The following CDKN2B-AS1 variants were observed in gnomAD, a reference collection of about 807,000 sequenced individuals.
CDKN2B-AS1 encodes the protein CDKN2B antisense RNA 1 (non-protein coding).
At chr9:22,020,673 G>A (rs910675053) in intron 1 of CDKN2B-AS1, among the ~76,000 whole-genome samples, 1 of 152,158 alleles carries the variant, frequency 6.6e-6, no homozygotes, top group African/African-American at 2.4e-5. Flanking sequence ...CCACATGTAT[G>A]TCTTCTTTTG....
intron 4 of CDKN2B-AS1, among the ~76,000 whole-genome samples, chr9:22,104,410 C>G (rs983953771): frequency 6.6e-6 from 1 of 152,076 alleles, no homozygotes; most frequent in Non-Finnish European, 1.5e-5. Flanking sequence ...TTTCACTTGC[C>G]CAAGTGAGGA....
At chr9:22,042,762 T>C (rs1822949281) in intron 1 of CDKN2B-AS1, among the ~76,000 whole-genome samples, 1 of 152,132 alleles carries the variant, frequency 6.6e-6, no homozygotes, top group African/African-American at 2.4e-5. Context: ...AAAACAGATA[T>C]CACTGAGTTT....
At chr9:22,066,266 T>A (rs565938381) in intron 4 of CDKN2B-AS1, 1 of 151,698 alleles carries the variant, frequency 6.6e-6, no homozygotes, top group Non-Finnish European at 1.5e-5. Context: ...CAGGCTGGAG[T>A]GTATTGGCAT....
intron 1 of CDKN2B-AS1, among the ~76,000 whole-genome samples, chr9:22,023,977 C>A (rs1822120949): frequency 6.6e-6 from 1 of 152,142 alleles, no homozygotes; most frequent in South Asian, 2.1e-4. Flanking sequence ...TGAACGCTTG[C>A]CAGAGAGGTG....
At chr9:22,041,282 T>G (rs1822885711) in intron 1 of CDKN2B-AS1, among the ~76,000 whole-genome samples, 1 of 152,006 alleles carries the variant, frequency 6.6e-6, no homozygotes. Flanking sequence ...CCTGAACCTC[T>G]TCAGTAGGTG....
chr9:22,098,173 G>GTGTGTGTT, intron 4 of CDKN2B-AS1, among the ~76,000 whole-genome samples: 1 of 151,800 alleles, frequency 6.6e-6, no homozygotes, highest in East Asian at 1.9e-4. Context: ...GTGTGTGTGT[G>GTGTGTGTT]TGTGTGTGTG....
intron 3 of CDKN2B-AS1, among the ~76,000 whole-genome samples, chr9:22,055,515 G>A (rs1025332261): frequency 2.0e-5 from 3 of 152,292 alleles, no homozygotes; most frequent in East Asian, 1.9e-4. Flanking sequence ...GGCAGGATAA[G>A]TAGTTTTGCC....
chr9:22,112,034 A>T (rs1372123670), intron 4 of CDKN2B-AS1: 1 of 152,220 alleles, frequency 6.6e-6, no homozygotes, highest in African/African-American at 2.4e-5. Flanking sequence ...TTCCCACCAC[A>T]GTAAGTATTT....
At chr9:22,102,230 T>G (rs891358581) in intron 4 of CDKN2B-AS1, among the ~76,000 whole-genome samples, 1 of 152,196 alleles carries the variant, frequency 6.6e-6, no homozygotes, top group African/African-American at 2.4e-5. Flanking sequence ...ACTTTCTGTT[T>G]TTTTCCCCGG....
chr9:22,123,203 C>G (rs568239040), intron 4 of CDKN2B-AS1, among the ~76,000 whole-genome samples: 17 of 152,162 alleles, frequency 1.1e-4, no homozygotes, highest in Non-Finnish European at 2.5e-4. Flanking sequence ...ATATTGATAT[C>G]GTATTCTGCA....
chr9:22,020,140 T>C (rs988276065), intron 1 of CDKN2B-AS1, among the ~76,000 whole-genome samples: 2 of 152,244 alleles, frequency 1.3e-5, no homozygotes, highest in Admixed American at 1.3e-4. Context: ...TTTCTGTTCC[T>C]GCATTAGTTT....
intron 1 of CDKN2B-AS1, among the ~76,000 whole-genome samples, chr9:22,034,229 A>G (rs191916221): frequency 6.6e-6 from 1 of 152,328 alleles, no homozygotes; most frequent in Non-Finnish European, 1.5e-5. Context: ...ATTCTGGTCT[A>G]TAAATTCACC....
chr9:22,037,601 T>G (rs1240002377), intron 1 of CDKN2B-AS1, among the ~76,000 whole-genome samples: 1 of 152,124 alleles, frequency 6.6e-6, no homozygotes, highest in African/African-American at 2.4e-5. Flanking sequence ...TAGATTAATT[T>G]TAACTTTCCT....
At chr9:22,116,961 G>A (rs1000150201) in intron 4 of CDKN2B-AS1, among the ~76,000 whole-genome samples, 2 of 152,200 alleles carry the variant, frequency 1.3e-5, no homozygotes, top group African/African-American at 4.8e-5. Context: ...AAGTAAACTT[G>A]ACCTCACATA....
intron 4 of CDKN2B-AS1, among the ~76,000 whole-genome samples, chr9:22,114,574 A>T: frequency 6.6e-6 from 1 of 152,366 alleles, no homozygotes; most frequent in African/African-American, 2.4e-5. Flanking sequence ...AAAGCTGATT[A>T]GGAGTATTTA....
chr9:22,020,193 A>T (rs1821957756), intron 1 of CDKN2B-AS1, among the ~76,000 whole-genome samples: 1 of 152,192 alleles, frequency 6.6e-6, no homozygotes, highest in Non-Finnish European at 1.5e-5. Context: ...TCCCTGCAAA[A>T]GGACATGCTA....
chr9:22,074,523 A>G (rs1379788137), intron 4 of CDKN2B-AS1, among the ~76,000 whole-genome samples: 1 of 152,178 alleles, frequency 6.6e-6, no homozygotes, highest in Non-Finnish European at 1.5e-5. Context: ...ATCCAAGTAA[A>G]CTTCAGACTT....
intron 4 of CDKN2B-AS1, among the ~76,000 whole-genome samples, chr9:22,082,809 G>T (rs1290370796): frequency 3.9e-5 from 6 of 152,136 alleles, no homozygotes. Context: ...ATGGGCAGGG[G>T]ATAAACCAAA....
At chr9:22,063,134 A>G (rs749171807) in intron 4 of CDKN2B-AS1, among the ~76,000 whole-genome samples, 1 of 152,124 alleles carries the variant, frequency 6.6e-6, no homozygotes, top group Non-Finnish European at 1.5e-5. Context: ...GATAATAGAG[A>G]TTCCAAAGGC....
Sources: gnomAD v4.1 joint callset for allele counts (sites outside exome capture counted in the v4.1 genomes callset) on GRCh38, gnomAD v4.1.1 for gene constraint, MANE v1.5 for transcripts, NCBI Gene and HGNC (gene_info 2026-07-23, HGNC 2026-07-21) for gene names.